The following COLGALT2 variants were observed in gnomAD, a reference collection of about 807,000 sequenced individuals.
COLGALT2 encodes the protein collagen beta(1-O)galactosyltransferase 2.
A neutral mutation model predicts 73.4 loss-of-function variants in COLGALT2; 49 were observed. That is an observed-to-expected ratio of 0.67 (90% confidence interval 0.53 to 0.85). COLGALT2 has a LOEUF of 0.85. COLGALT2 is among the 40% of genes least tolerant of loss of function. COLGALT2 has a pLI of 0.00. For synonymous variants in COLGALT2, 295 were observed against 307.6 expected (o/e 0.96, Z 0.43); for missense variants, 722 against 790.2 (o/e 0.91, Z 1.03).
At chr1:183,954,637 G>T in intron 7 of COLGALT2, 125 bp downstream of exon 7, 1 of 646,118 alleles carries the variant, frequency 1.5e-6, no homozygotes, top group Non-Finnish European at 2.7e-6. Flanking sequence ...CAAGACCTCA[G>T]AGCCATTTCA....
chr1:183,942,194 C>T (rs540484740), intron 10 of COLGALT2, among the ~76,000 whole-genome samples: 4 of 152,064 alleles, frequency 2.6e-5, no homozygotes, highest in African/African-American at 4.8e-5. Flanking sequence ...GTGATCCACC[C>T]GCCTCGGCCT....
chr1:184,028,217 C>T (rs1649388971), intron 1 of COLGALT2, among the ~76,000 whole-genome samples: 1 of 152,190 alleles, frequency 6.6e-6, no homozygotes, highest in African/African-American at 2.4e-5. Context: ...TACAACCACA[C>T]TTTTCACAAC....
chr1:184,037,302 G>C lies in COLGALT2; in HGVS notation c.56C>G (p.Ala19Gly). The change falls in exon 1 of 12, where the codon GCC becomes GGC. Residue 19 changes from alanine to glycine, a missense_variant. Physicochemically the swap from Ala to Gly is moderately conservative, Grantham distance 60. Coordinates refer to ENST00000361927, the MANE Select transcript of COLGALT2 (RefSeq NM_015101.4). ...CGCTCGGCAGCCTTCGCGGAGCAGG[G>C]CTGAGGAGAGGAGCAGTAGCGACCA... ...LAWSLLLLSS[A>G]LLREGCRARF... The C allele has an allele frequency of 6.5e-7, 1 of 1,535,946 alleles. No homozygotes were observed. The highest frequency in any genetic ancestry group is 8.8e-7 in the Non-Finnish European group (1 of 1,142,786).
Position 183,937,957 on chromosome 1 carries a change from C to A in COLGALT2, c.*804G>T. ...GGGCAGGATGCACAGCCAGTCCTCA[C>A]CCTTTATATATTACATTTATCTTTA... is the stretch of plus-strand genomic sequence containing the variant. On this transcript the variant is annotated 3_prime_UTR_variant, in exon 12 of 12. Transcript: ENST00000361927. 1 of 985,370 alleles carries A rather than the reference C, an allele frequency of 1.0e-6. No individual in the cohort carries two copies. Among genetic ancestry groups the A allele is most frequent in the Non-Finnish European group, 1.2e-6 (1 of 829,914 alleles). The allele number at this position is 985,370 out of a possible 1,614,324, so 61.0% of individuals were successfully genotyped here.
At chr1:184,009,340 A>G (rs760089496) in intron 1 of COLGALT2, among the ~76,000 whole-genome samples, 3 of 152,236 alleles carry the variant, frequency 2.0e-5, no homozygotes, top group Non-Finnish European at 2.9e-5. Flanking sequence ...TTCGTAATCA[A>G]CATAATTTCC....
chr1:183,931,657 T>A (rs551995238), downstream of COLGALT2, among the ~76,000 whole-genome samples: 2 of 152,126 alleles, frequency 1.3e-5, no homozygotes, highest in Non-Finnish European at 2.9e-5. Context: ...AAGCCAGTTA[T>A]CAGTATCCAA....
intron 1 of COLGALT2, among the ~76,000 whole-genome samples, chr1:184,002,179 C>T (rs1171931419): frequency 6.6e-6 from 1 of 152,254 alleles, no homozygotes; most frequent in African/African-American, 2.4e-5. Flanking sequence ...GCCTGTTCCA[C>T]AGGCTGTGCT....
At chr1:183,982,163 C>T (rs1391281387) in intron 1 of COLGALT2, among the ~76,000 whole-genome samples, 1 of 152,092 alleles carries the variant, frequency 6.6e-6, no homozygotes, top group Non-Finnish European at 1.5e-5. Flanking sequence ...CTGGACATTC[C>T]ATGGCCTGGA....
At position 183,942,905 on chromosome 1, in the gene COLGALT2, A is replaced by G. The variant is rs987333953; in HGVS notation, c.1397+1291T>C. Among the ~76,000 whole-genome samples the G allele has an allele frequency of 4.2e-4, 64 of 152,220 alleles. 2 individuals carry two copies. The highest frequency in any genetic ancestry group is 1.3e-4 in the Admixed American group (2 of 15,284). The stretch of plus-strand genomic sequence containing the variant: ...GGAACGTATGCCAGCTCTAAACCTT[A>G]GATTCTCTGGGCTCAGTCTTCTGTG... On this transcript the variant is annotated intron_variant, in intron 10 of 11. Transcript: ENST00000361927.
At chr1:184,012,809 T>G (rs989714577) in intron 1 of COLGALT2, among the ~76,000 whole-genome samples, 1 of 152,234 alleles carries the variant, frequency 6.6e-6, no homozygotes, top group African/African-American at 2.4e-5. Context: ...GATCTCAGTT[T>G]TATCATAAAA....
intron 1 of COLGALT2, among the ~76,000 whole-genome samples, chr1:183,989,215 C>T (rs1671568097): frequency 6.6e-6 from 1 of 152,126 alleles, no homozygotes; most frequent in Non-Finnish European, 1.5e-5. Flanking sequence ...CCCAGGAATG[C>T]GTGGGCAGTT....
intron 6 of COLGALT2, among the ~76,000 whole-genome samples, chr1:183,955,154 A>C (rs1670518144): frequency 6.6e-6 from 1 of 152,204 alleles, no homozygotes; most frequent in Non-Finnish European, 1.5e-5. Context: ...TCTGGGTCCA[A>C]ACCTTGGTTT....
At chr1:183,976,375 C>A (rs1033103401) in intron 2 of COLGALT2, among the ~76,000 whole-genome samples, 2 of 148,102 alleles carry the variant, frequency 1.4e-5, no homozygotes, top group Non-Finnish European at 3.0e-5. Flanking sequence ...ATATATATTT[C>A]TTTATAATAT....
intron 6 of COLGALT2, among the ~76,000 whole-genome samples, chr1:183,961,164 G>C (rs1334418796): frequency 6.6e-6 from 1 of 152,178 alleles, no homozygotes; most frequent in African/African-American, 2.4e-5. Flanking sequence ...GTAAGTATAA[G>C]AATGAAATAA....
chr1:184,034,391 A>C (rs1649608261), intron 1 of COLGALT2, among the ~76,000 whole-genome samples: 1 of 151,808 alleles, frequency 6.6e-6, no homozygotes, highest in South Asian at 2.1e-4. Flanking sequence ...AGTTCAAACT[A>C]AGTGTCCACT....
downstream of COLGALT2, among the ~76,000 whole-genome samples, chr1:183,933,836 G>T (rs1669895390): frequency 6.6e-6 from 1 of 152,190 alleles, no homozygotes; most frequent in Non-Finnish European, 1.5e-5. Context: ...CCAGGCTGGA[G>T]AATTACAGGG....
At chr1:183,967,171 G>A (rs145212143) in intron 5 of COLGALT2, among the ~76,000 whole-genome samples, 1 of 152,316 alleles carries the variant, frequency 6.6e-6, no homozygotes, top group East Asian at 1.9e-4. Context: ...ATCCACAGTT[G>A]TCAAGAAAGA....
intron 1 of COLGALT2, among the ~76,000 whole-genome samples, chr1:184,017,251 T>A (rs1023533595): frequency 2.6e-5 from 4 of 152,254 alleles, no homozygotes; most frequent in Non-Finnish European, 5.9e-5. Context: ...GATGTACTTA[T>A]AATTATATTA....
intron 11 of COLGALT2, among the ~76,000 whole-genome samples, chr1:183,930,569 C>CTTTTTTATTTTTTTTTTTTTTT (rs1669823171): frequency 8.8e-6 from 1 of 114,066 alleles, no homozygotes; most frequent in African/African-American, 3.4e-5. Context: ...TTTTCTTTTT[C>CTTTTTTATTTTTTTTTTTTTTT]TTTTTTTTTT....
Sources: gnomAD v4.1 joint callset for allele counts (sites outside exome capture counted in the v4.1 genomes callset) on GRCh38, gnomAD v4.1.1 for gene constraint, MANE v1.5 for transcripts, NCBI Gene and HGNC (gene_info 2026-07-23, HGNC 2026-07-21) for gene names.